The following ZFYVE1 variants were observed in gnomAD, a reference collection of about 807,000 sequenced individuals.
The protein encoded by ZFYVE1 is zinc finger FYVE domain-containing protein 1.
In ZFYVE1, 30 loss-of-function variants were observed where a neutral mutation model predicts 74.4. The ratio of observed to expected loss-of-function variants is 0.40; its 90% CI spans 0.30 to 0.55. The LOEUF is 0.55. Among genes scored for constraint, ZFYVE1 ranks in the 20% least tolerant of loss-of-function variants. ZFYVE1 has a pLI of 0.42. For missense variants in ZFYVE1, 703 were observed against 1,011.6 expected (o/e 0.69, Z 4.14); for synonymous variants, 335 against 385.1 (o/e 0.87, Z 1.52).
chr14:73,010,909 G>C (rs12050153), intron 2 of ZFYVE1, among the ~76,000 whole-genome samples: 4 of 150,894 alleles, frequency 2.7e-5, no homozygotes, highest in Admixed American at 6.6e-5. Flanking sequence ...TGTGTGTTAC[G>C]TGGATACTGC....
chr14:73,024,574 C>T lies in ZFYVE1; in HGVS notation c.-66G>A, dbSNP rs1319242642. 2.6e-6 allele frequency: 4 copies of T among 1,517,316 alleles called. No individual in the cohort carries two copies. The highest frequency in any genetic ancestry group is 2.2e-5 in the Admixed American group (1 of 44,914). 94.0% of individuals were successfully genotyped at this position (1,517,316 alleles called of 1,614,324 possible). A position where few individuals can be genotyped will look rare whatever the true frequency, so the allele number is the denominator to read the frequency against. ...ACTGAGCTTGCCCCGGGGGTGAAGA[C>T]GAAGATTTGAGTCTGAAGACTGCAC... On this transcript the variant is annotated 5_prime_UTR_variant, in exon 2 of 12. Coordinates refer to ENST00000556143, the MANE Select transcript of ZFYVE1 (RefSeq NM_021260.4).
At chr14:73,026,874 T>G in intron 1 of ZFYVE1, 52 bp downstream of exon 1, 1 of 143,896 alleles carries the variant, frequency 6.9e-6, no homozygotes, top group Non-Finnish European at 1.5e-5. Context: ...CGCCCCGCGC[T>G]GGGCCGTGCC....
chr14:73,017,240 T>A (rs993976482), intron 2 of ZFYVE1, among the ~76,000 whole-genome samples: 2 of 152,246 alleles, frequency 1.3e-5, no homozygotes, highest in Non-Finnish European at 2.9e-5. Flanking sequence ...ATCTGTCAGA[T>A]CGATCACTTT....
intron 2 of ZFYVE1, among the ~76,000 whole-genome samples, chr14:73,003,240 T>C (rs1010049688): frequency 6.6e-6 from 1 of 151,870 alleles, no homozygotes; most frequent in African/African-American, 2.4e-5. Context: ...GTACTTTTAG[T>C]AGAGATGGGA....
chr14:73,024,246 G>T lies in ZFYVE1; in HGVS notation c.263C>A (p.Ala88Glu). Reference sequence around the variant, plus strand: ...TTTGCAGGTCTGGCACCTCACTATTGCCCTCTGCCTAACACCTGGTAAATG... The same window carrying T: ...TTTGCAGGTCTGGCACCTCACTATTTCCCTCTGCCTAACACCTGGTAAATG... ...SGHLPGVRQR[A>E]IVRCQTCKIN... The change falls in exon 2 of 12, where the codon GCA (alanine) becomes GAA (glutamate). Residue 88 changes from alanine (A) to glutamate (E), a missense_variant. Physicochemically the swap from Ala to Glu is moderately radical, Grantham distance 107. Transcript: ENST00000556143. 1.2e-6 allele frequency: 2 copies of T among 1,614,080 alleles called. No homozygotes were observed. Among genetic ancestry groups the T allele is most frequent in the Non-Finnish European group, 8.5e-7 (1 of 1,180,032 alleles).
chr14:73,017,740 C>T (rs1166056221), intron 2 of ZFYVE1, among the ~76,000 whole-genome samples: 2 of 152,092 alleles, frequency 1.3e-5, no homozygotes, highest in African/African-American at 4.8e-5. Flanking sequence ...AAATCTACAC[C>T]ACTTCTTTCC....
At chr14:72,979,199 C>T (rs1893259488) in intron 5 of ZFYVE1, 1 of 468,964 alleles carries the variant, frequency 2.1e-6, no homozygotes, top group East Asian at 3.9e-5. Context: ...TATGAGGACA[C>T]AGGGGAAAAA....
chr14:73,018,863 G>A (rs1291522330), intron 2 of ZFYVE1, among the ~76,000 whole-genome samples: 1 of 151,326 alleles, frequency 6.6e-6, no homozygotes, highest in East Asian at 1.9e-4. Context: ...ACAATTGCTT[G>A]AACCCAGGAG....
chr14:73,007,162 G>A (rs1247111860), intron 2 of ZFYVE1, among the ~76,000 whole-genome samples: 7 of 152,074 alleles, frequency 4.6e-5, no homozygotes, highest in African/African-American at 1.2e-4. Flanking sequence ...ACCATGTACC[G>A]GCTCTGTTCC....
At chr14:73,005,283 G>A (rs1394578807) in intron 2 of ZFYVE1, among the ~76,000 whole-genome samples, 3 of 152,154 alleles carry the variant, frequency 2.0e-5, no homozygotes, top group Non-Finnish European at 4.4e-5. Context: ...GATGAGGGAA[G>A]GAAGGGCCCA....
intron 4 of ZFYVE1, among the ~76,000 whole-genome samples, chr14:72,983,845 G>A (rs1217138520): frequency 2.0e-5 from 3 of 152,162 alleles, no homozygotes; most frequent in Non-Finnish European, 4.4e-5. Flanking sequence ...ATCCTCTCCA[G>A]TATCTGTTGT....
intron 3 of ZFYVE1, among the ~76,000 whole-genome samples, chr14:72,995,855 C>T (rs1339812485): frequency 6.6e-6 from 1 of 152,182 alleles, no homozygotes; most frequent in Non-Finnish European, 1.5e-5. Context: ...CTGCCACTGC[C>T]CTGGCTGAAT....
At chr14:72,994,910 G>C (rs1271935040) in intron 3 of ZFYVE1, among the ~76,000 whole-genome samples, 1 of 152,168 alleles carries the variant, frequency 6.6e-6, no homozygotes, top group Non-Finnish European at 1.5e-5. Context: ...CTGGTCTTTT[G>C]TGAGGAAGCT....
rs866654811 is a variant in ZFYVE1 at position 72,970,676 on chromosome 14, G to T, written c.*206C>A. 2 of 598,840 alleles carry T rather than the reference G, an allele frequency of 3.3e-6. No homozygotes were observed. The highest frequency in any genetic ancestry group is 6.0e-6 in the Non-Finnish European group (2 of 335,628). 37.1% of individuals were successfully genotyped at this position (598,840 alleles called of 1,614,324 possible). ...CGGATTCAGGTTCATTCCCCTTTGCGATAAGTTGCAAGGTCCCCTGCCCTG... is the reference window on the plus strand; with the variant it reads ...CGGATTCAGGTTCATTCCCCTTTGCTATAAGTTGCAAGGTCCCCTGCCCTG... On this transcript the variant is annotated 3_prime_UTR_variant, in exon 12 of 12. Coordinates refer to ENST00000556143, the MANE Select transcript of ZFYVE1 (RefSeq NM_021260.4).
chr14:73,005,096 T>C (rs1316202718), intron 2 of ZFYVE1, among the ~76,000 whole-genome samples: 1 of 152,154 alleles, frequency 6.6e-6, no homozygotes, highest in African/African-American at 2.4e-5. Context: ...CACACTTCTC[T>C]GGCACAGTTC....
At chr14:73,021,996 C>T (rs528170094) in intron 2 of ZFYVE1, among the ~76,000 whole-genome samples, 84 of 152,326 alleles carry the variant, frequency 5.5e-4, no homozygotes, top group African/African-American at 2.0e-3. Flanking sequence ...AAAGCTTCCC[C>T]TCATTTGACA....
chr14:72,970,442 G>A lies in ZFYVE1; in HGVS notation c.*440C>T. 1 of 187,084 alleles carries A rather than the reference G, an allele frequency of 5.3e-6. No individual in the cohort carries two copies. Among genetic ancestry groups the A allele is most frequent in the South Asian group, 1.1e-4 (1 of 9,494 alleles). 11.6% of individuals were successfully genotyped at this position (187,084 alleles called of 1,614,324 possible). A position where few individuals can be genotyped will look rare whatever the true frequency, so the allele number is the denominator to read the frequency against. On this transcript the variant is annotated 3_prime_UTR_variant, in exon 12 of 12. Transcript: ENST00000556143. ...CTTCCAAGGCTCCAAGAGCAGCAGA[G>A]GAAGGGGCCAGCCACGTGGTGGCCA...
chr14:73,001,260 G>A (rs916434251), intron 2 of ZFYVE1, among the ~76,000 whole-genome samples: 4 of 152,018 alleles, frequency 2.6e-5, no homozygotes, highest in Non-Finnish European at 5.9e-5. Context: ...AAATTTGAAG[G>A]GAATCATACA....
chr14:73,005,104 T>A (rs945732386), intron 2 of ZFYVE1, among the ~76,000 whole-genome samples: 4 of 152,006 alleles, frequency 2.6e-5, no homozygotes, highest in African/African-American at 7.2e-5. Flanking sequence ...TCTGGCACAG[T>A]TCTCTGCCTT....
Sources: allele counts gnomAD v4.1 joint callset (sites outside exome capture counted in the v4.1 genomes callset), GRCh38; gene constraint gnomAD v4.1.1; transcripts MANE v1.5; gene names NCBI Gene and HGNC (gene_info 2026-07-23, HGNC 2026-07-21).